The following SHANK2 variants were observed in gnomAD, a reference collection of about 807,000 sequenced individuals.
SHANK2 encodes SH3 and multiple ankyrin repeat domains 2.
SHANK2 carries 43 observed loss-of-function variants against 133.7 expected under a neutral mutation model. The ratio of observed to expected loss-of-function variants is 0.32; its 90% CI spans 0.25 to 0.41. The LOEUF (loss-of-function observed/expected upper bound fraction) is 0.41. SHANK2 is among the 10% of genes least tolerant of loss of function. The pLI is 1.00. For missense variants in SHANK2, 1,994 were observed against 2,235.8 expected (o/e 0.89, Z 2.18); for synonymous variants, 1,017 against 952.8 (o/e 1.07, Z -1.24).
chr11:71,225,213 C>A (rs1415074940), intron 1 of SHANK2, among the ~76,000 whole-genome samples: 2 of 152,204 alleles, frequency 1.3e-5, no homozygotes, highest in African/African-American at 4.8e-5. Context: ...TATATTTAGA[C>A]AACAGGTCTA....
intron 10 of SHANK2, among the ~76,000 whole-genome samples, chr11:70,905,359 C>T (rs1555077712): frequency 1.3e-5 from 2 of 152,192 alleles, no homozygotes; most frequent in Admixed American, 6.5e-5. Flanking sequence ...CCACAAAGTG[C>T]CGCATCCTAT....
chr11:70,834,156 G>A (rs1409655212), intron 11 of SHANK2, among the ~76,000 whole-genome samples: 2 of 152,326 alleles, frequency 1.3e-5, no homozygotes, highest in South Asian at 4.1e-4. Flanking sequence ...ATTTATTAAG[G>A]CTCCACCCCA....
chr11:70,811,637 TCATCCATCCATC>T (rs140137476), intron 12 of SHANK2, among the ~76,000 whole-genome samples: 2 of 147,518 alleles, frequency 1.4e-5, no homozygotes, highest in South Asian at 2.2e-4. Flanking sequence ...ATCCATCCAC[TCATCCATCCATC>T]CATCCATCCA....
chr11:71,155,603 C>T (rs1221873227), intron 2 of SHANK2, among the ~76,000 whole-genome samples: 24 of 152,042 alleles, frequency 1.6e-4, no homozygotes, highest in African/African-American at 5.3e-4. Flanking sequence ...ACACCAATGC[C>T]GGGATTCAGT....
intron 11 of SHANK2, among the ~76,000 whole-genome samples, chr11:70,877,212 C>T (rs1172209852): frequency 2.0e-5 from 3 of 152,198 alleles, no homozygotes; most frequent in East Asian, 1.9e-4. Context: ...ATTTGTGCCC[C>T]GCTCGCTGGA....
At chr11:70,800,291 G>T (rs1555050217) in intron 13 of SHANK2, among the ~76,000 whole-genome samples, 1 of 152,220 alleles carries the variant, frequency 6.6e-6, no homozygotes, top group East Asian at 1.9e-4. Context: ...TCCCAAAGTG[G>T]TTCGGATGAC....
chr11:71,113,213 G>A (rs989679436), intron 5 of SHANK2, 80 bp downstream of exon 5: 60 of 1,257,556 alleles, frequency 4.8e-5, no homozygotes, highest in Non-Finnish European at 1.6e-5. Flanking sequence ...TGGAAGAGGA[G>A]CGTCTAAAGA....
intron 20 of SHANK2, among the ~76,000 whole-genome samples, chr11:70,501,304 G>A (rs983572428): frequency 6.6e-6 from 1 of 151,508 alleles, no homozygotes; most frequent in Non-Finnish European, 1.5e-5. Context: ...GCAGCACTTA[G>A]CACTTGCTAG....
chr11:70,871,998 C>T (rs781815895), intron 11 of SHANK2, among the ~76,000 whole-genome samples: 5 of 152,160 alleles, frequency 3.3e-5, no homozygotes, highest in Non-Finnish European at 7.4e-5. Flanking sequence ...ACGACGACAT[C>T]CCTGAACACC....
chr11:70,864,952 G>C (rs570091239), intron 11 of SHANK2: 7 of 152,576 alleles, frequency 4.6e-5, no homozygotes, highest in African/African-American at 1.7e-4. Context: ...CTTGAGCCCA[G>C]GAGTTTGAGG....
chr11:70,930,535 G>A (rs1396027346), intron 10 of SHANK2, among the ~76,000 whole-genome samples: 2 of 152,030 alleles, frequency 1.3e-5, no homozygotes, highest in African/African-American at 4.8e-5. Flanking sequence ...TATCTCACCT[G>A]GCCAATGTGA....
In SHANK2 at chr11:71,130,116, G is replaced by A. The variant is rs527762384; in HGVS notation, c.208-11084C>T. Among the ~76,000 whole-genome samples the A allele has an allele frequency of 4.7e-3, 723 of 152,310 alleles. 3 individuals are homozygous for A. Among genetic ancestry groups the A allele is most frequent in the African/African-American group, 0.017 (702 of 41,576 alleles). On this transcript the variant is annotated intron_variant, in intron 3 of 25. Transcript: ENST00000601538. ...AACTTCATTTAACTTGATTGCCTCT[G>A]TAAAGACCCAATCTCCAAATAAAGT...
At chr11:70,853,704 G>A (rs969081736) in intron 11 of SHANK2, among the ~76,000 whole-genome samples, 1 of 152,140 alleles carries the variant, frequency 6.6e-6, no homozygotes, top group East Asian at 1.9e-4. Flanking sequence ...ATACACAATG[G>A]GTGACTTCAG....
chr11:70,504,662 AC>A (rs1220703442), intron 17 of SHANK2, among the ~76,000 whole-genome samples: 1 of 152,178 alleles, frequency 6.6e-6, no homozygotes, highest in Non-Finnish European at 1.5e-5. Flanking sequence ...AGAGAGGCCC[AC>A]CTACAGCGGC....
At chr11:71,205,605 C>T (rs1353185635) in intron 2 of SHANK2, among the ~76,000 whole-genome samples, 4 of 152,206 alleles carry the variant, frequency 2.6e-5, no homozygotes, top group Non-Finnish European at 4.4e-5. Context: ...TCCGAGTCGG[C>T]CACCCAGAGA....
intron 1 of SHANK2, among the ~76,000 whole-genome samples, chr11:71,246,240 C>G (rs1954958866): frequency 6.6e-6 from 1 of 152,102 alleles, no homozygotes; most frequent in Non-Finnish European, 1.5e-5. Flanking sequence ...CTAAGCCTCC[C>G]AGGACCCACC....
intron 9 of SHANK2, among the ~76,000 whole-genome samples, chr11:71,062,591 G>A (rs1951000678): frequency 6.6e-6 from 1 of 152,206 alleles, no homozygotes; most frequent in Non-Finnish European, 1.5e-5. Context: ...CCAGATGGCT[G>A]AGAGTGGCCT....
chr11:70,782,164 A>C (rs1444845776), intron 14 of SHANK2, among the ~76,000 whole-genome samples: 3 of 152,158 alleles, frequency 2.0e-5, no homozygotes, highest in Non-Finnish European at 4.4e-5. Flanking sequence ...TCCTGGGTTC[A>C]AGTGATTCTC....
At chr11:70,575,922 G>A (rs1278516077) in intron 17 of SHANK2, among the ~76,000 whole-genome samples, 1 of 152,032 alleles carries the variant, frequency 6.6e-6, no homozygotes, top group Non-Finnish European at 1.5e-5. Flanking sequence ...AATCCCCTGG[G>A]CCGTGCTGCA....
Sources: allele counts gnomAD v4.1 joint callset (sites outside exome capture counted in the v4.1 genomes callset), GRCh38; gene constraint gnomAD v4.1.1; transcripts MANE v1.5; gene names NCBI Gene and HGNC (gene_info 2026-07-23, HGNC 2026-07-21).